The following ZFR variants were observed in gnomAD, a reference collection of about 807,000 sequenced individuals.
ZFR encodes the protein zinc finger RNA binding protein, also known as zinc finger RNA-binding protein.
In ZFR, 19 loss-of-function variants were observed where a neutral mutation model predicts 130.7. That is an observed-to-expected ratio of 0.15 (90% CI 0.10 to 0.21). The LOEUF (loss-of-function observed/expected upper bound fraction) is 0.21. ZFR is among the 10% of genes least tolerant of loss of function. The probability of loss-of-function intolerance (pLI) is 1.00; values close to 1 mark genes in which losing one functional copy is unlikely to be tolerated. For missense variants in ZFR, 872 were observed against 1,321.5 expected, an observed-to-expected ratio of 0.66 and a Z score of 5.27; for synonymous variants, 466 against 456.9, an observed-to-expected ratio of 1.02 and a Z score of -0.25.
At chr5:32,444,112 C>T in intron 2 of ZFR, 117 bp downstream of exon 2, 1 of 1,174,360 alleles carries the variant, frequency 8.5e-7, no homozygotes. Context: ...CCGGGCCAGG[C>T]CTGCAGCGGG....
At chr5:32,417,839 G>C in intron 3 of ZFR, 47 bp from the exon 4 acceptor site, 2 of 1,577,924 alleles carry the variant, frequency 1.3e-6, no homozygotes, top group Non-Finnish European at 1.7e-6. Context: ...ACAAGTGGAA[G>C]GAAAAAAATA....
rs763858533 is a variant in ZFR, at chr5:32,420,088, C to A, written c.153G>T (p.Ser51=). ...TAGTTGGATGAGAATAGGCTACACC[C>A]GAAGCTGGCTGCTGGCTACATTGTG... The part of the protein sequence containing the change: ...AAAQYSQQPA[S]GVAYSHPTTV... The change falls in exon 3 of 20, where the codon TCG becomes TCT. Residue 51 remains serine, a synonymous_variant. Transcript: ENST00000265069. 6.4e-7 allele frequency: 1 copy of A among 1,574,544 alleles called. No individual in the cohort carries two copies. The highest frequency in any genetic ancestry group is 1.1e-5 in the South Asian group (1 of 88,086).
chr5:32,401,458 G>A (rs971101224), intron 8 of ZFR, among the ~76,000 whole-genome samples: 2 of 152,126 alleles, frequency 1.3e-5, no homozygotes, highest in African/African-American at 4.8e-5. Context: ...GAAAGAATAT[G>A]AACTGGTCAG....
At chr5:32,426,285 G>A (rs986233774) in intron 2 of ZFR, among the ~76,000 whole-genome samples, 9 of 151,502 alleles carry the variant, frequency 5.9e-5, no homozygotes, top group Non-Finnish European at 1.3e-4. Flanking sequence ...ACGGTGACAA[G>A]TTCAACATAT....
intron 5 of ZFR, among the ~76,000 whole-genome samples, chr5:32,407,285 T>A (rs1165770599): frequency 6.6e-6 from 1 of 151,616 alleles, no homozygotes; most frequent in Non-Finnish European, 1.5e-5. Flanking sequence ...ACCTTATAGT[T>A]TAATTGGAGA....
At chr5:32,421,969 T>C (rs1216588277) in intron 2 of ZFR, among the ~76,000 whole-genome samples, 1 of 152,140 alleles carries the variant, frequency 6.6e-6, no homozygotes, top group East Asian at 1.9e-4. Flanking sequence ...AAAAAAAAGA[T>C]ACTATTTAAA....
chr5:32,361,299 AAAGTCTC>A (rs1367783003), intron 19 of ZFR, among the ~76,000 whole-genome samples: 1 of 152,186 alleles, frequency 6.6e-6, no homozygotes, highest in Non-Finnish European at 1.5e-5. Context: ...GAAAATCCTG[AAAGTCTC>A]AAAGTCATCT....
intron 6 of ZFR, among the ~76,000 whole-genome samples, chr5:32,405,713 C>G (rs990376735): frequency 6.6e-6 from 1 of 152,134 alleles, no homozygotes; most frequent in African/African-American, 2.4e-5. Context: ...ACTCCAGGTC[C>G]CTGCAAACAT....
chr5:32,427,555 T>A (rs1488403481), intron 2 of ZFR, among the ~76,000 whole-genome samples: 1 of 152,090 alleles, frequency 6.6e-6, no homozygotes, highest in African/African-American at 2.4e-5. Context: ...TGTTAAGATG[T>A]TAATACTACC....
intron 5 of ZFR, among the ~76,000 whole-genome samples, chr5:32,409,696 G>A (rs552318993): frequency 3.9e-5 from 6 of 152,312 alleles, no homozygotes; most frequent in Non-Finnish European, 7.3e-5. Flanking sequence ...ATGAGCCACC[G>A]CACCTGCATC....
intron 17 of ZFR, among the ~76,000 whole-genome samples, chr5:32,376,968 C>T (rs1201037467): frequency 1.9e-4 from 3 of 15,964 alleles, no homozygotes; most frequent in African/African-American, 1.6e-3. Flanking sequence ...GACAAGCTGT[C>T]TGAAAAAAAA....
intron 14 of ZFR, among the ~76,000 whole-genome samples, chr5:32,385,912 T>C (rs1753037018): frequency 6.6e-6 from 1 of 152,116 alleles, no homozygotes; most frequent in African/African-American, 2.4e-5. Flanking sequence ...TCTTAGATAA[T>C]AAATTCTTGG....
At chr5:32,356,777 C>T (rs1752324096) in intron 19 of ZFR, among the ~76,000 whole-genome samples, 1 of 152,084 alleles carries the variant, frequency 6.6e-6, no homozygotes, top group Admixed American at 6.5e-5. Context: ...TTTCTGTGCA[C>T]TTAATGTGAC....
Position 32,390,387 on chromosome 5 carries a change from T to A in ZFR, c.2030A>T (p.His677Leu), listed in dbSNP as rs370641170. The A allele has an allele frequency of 1.2e-6, 2 of 1,614,064 alleles. No individual in the cohort carries two copies. Among genetic ancestry groups the A allele is most frequent in the African/African-American group, 1.3e-5 (1 of 74,924 alleles). Reference protein sequence around the residue: ...YWRRMEEEQHHWDDRRRMPDG... With the variant: ...YWRRMEEEQHLWDDRRRMPDG... ...TGGCATTCGGCGGCGATCATCCCAA[T>A]GATGTTGTTCTTCCTCCATTCTCCT... Residue 677 changes from histidine to leucine, a missense_variant, in exon 12 of 20, where the codon CAT becomes CTT. His to Leu is a moderately conservative substitution (Grantham distance 99). This residue lies in a region of ZFR where 225 missense variants were observed against 282.4 expected (regional missense o/e 0.80). Coordinates refer to ENST00000265069, the MANE Select transcript of ZFR (RefSeq NM_016107.5).
intron 2 of ZFR, among the ~76,000 whole-genome samples, chr5:32,440,230 A>G (rs755738603): frequency 6.6e-6 from 1 of 152,226 alleles, no homozygotes; most frequent in African/African-American, 2.4e-5. Context: ...CCATCCTTAC[A>G]TTTTCACCAT....
At chr5:32,428,975 C>CTTTT (rs576959110) in intron 2 of ZFR, among the ~76,000 whole-genome samples, 9 of 91,204 alleles carry the variant, frequency 9.9e-5, no homozygotes, top group African/African-American at 3.6e-4. Flanking sequence ...CTTCTTACAT[C>CTTTT]TTTTTTTTTT....
chr5:32,428,251 T>C (rs992663517), intron 2 of ZFR, among the ~76,000 whole-genome samples: 3 of 152,034 alleles, frequency 2.0e-5, no homozygotes, highest in East Asian at 1.9e-4. Context: ...CTGTCTCTAC[T>C]AAAAATACAA....
chr5:32,402,604 CA>C (rs1260820987), intron 8 of ZFR, among the ~76,000 whole-genome samples: 1 of 125,742 alleles, frequency 8.0e-6, no homozygotes, highest in Non-Finnish European at 1.6e-5. Flanking sequence ...CCATCTCTAC[CA>C]AAAAAAAGAA....
intron 2 of ZFR, 21 bp downstream of exon 2, chr5:32,444,208 G>A: frequency 6.3e-7 from 1 of 1,595,332 alleles, no homozygotes; most frequent in Non-Finnish European, 8.5e-7. Context: ...GGCGAACAGA[G>A]AGAAGGCAGG....
Sources: allele counts gnomAD v4.1 joint callset (sites outside exome capture counted in the v4.1 genomes callset), GRCh38; gene constraint gnomAD v4.1.1; regional missense constraint gnomAD v4.1.1; transcripts MANE v1.5; gene names NCBI Gene and HGNC (gene_info 2026-07-23, HGNC 2026-07-21).